KIAA0825: variants seen among roughly 807,000 people sequenced by gnomAD.
KIAA0825 encodes uncharacterized protein KIAA0825.
A neutral mutation model predicts 147.6 loss-of-function variants in KIAA0825; 119 were observed. The observed-to-expected ratio is 0.81, with a 90% CI of 0.69 to 0.94. KIAA0825 has a LOEUF of 0.94. KIAA0825 is among the 40% of genes least tolerant of loss of function. KIAA0825 has a pLI of 0.00. For missense variants in KIAA0825, 1,381 were observed against 1,472.7 expected (o/e 0.94, Z 1.02); for synonymous variants, 470 against 518.1 (o/e 0.91, Z 1.26).
chr5:94,606,779 G>A (rs1393778101), intron 1 of KIAA0825, among the ~76,000 whole-genome samples: 4 of 152,290 alleles, frequency 2.6e-5, no homozygotes, highest in African/African-American at 9.6e-5. Context: ...ATATTAAAGT[G>A]GGGGCTCGTG....
chr5:94,477,012 C>G (rs1273089100), intron 7 of KIAA0825, 99 bp downstream of exon 7: 1 of 850,120 alleles, frequency 1.2e-6, no homozygotes, highest in African/African-American at 1.7e-5. Flanking sequence ...TTTTTTGTAG[C>G]AAAGGGTAAA....
rs1322162646 is a variant in KIAA0825 at position 94,396,287 on chromosome 5, C to T, written c.3110G>A (p.Gly1037Asp). Residue 1037 changes from glycine (G) to aspartate (D), a missense_variant, in exon 17 of 21, where the codon GGT becomes GAT. Physicochemically the swap from Gly to Asp is moderately conservative, Grantham distance 94. Transcript: ENST00000682413. ...TTTACTCCATCTGTCAAGAGAGGCA[C>T]CTGTTAAAAGTTCCACAGTGTTTCC... ...EDGNTVELLT[G>D]ASLDRWSKEK... is the part of the protein sequence containing the mutation. The T allele has an allele frequency of 1.9e-6, 3 of 1,550,554 alleles. No homozygotes were observed. Among genetic ancestry groups the T allele is most frequent in the South Asian group, 1.2e-5 (1 of 83,790 alleles).
intron 20 of KIAA0825, among the ~76,000 whole-genome samples, chr5:94,261,679 T>C (rs1239425168): frequency 6.6e-6 from 1 of 152,146 alleles, no homozygotes; most frequent in Non-Finnish European, 1.5e-5. Flanking sequence ...CTCTCCATCT[T>C]AGTGAACCAA....
chr5:94,608,467 TATATATAATATATATATATATATA>T lies in KIAA0825; in HGVS notation c.-153+10009_-153+10032del, dbSNP rs1312296217. Among the ~76,000 whole-genome samples, 2 of 20,654 alleles carry T rather than the reference TATATATAATATATATATATATATA, an allele frequency of 9.7e-5. 1 individual carries two copies. The highest frequency in any genetic ancestry group is 3.2e-3 in the East Asian group (2 of 616). 13.5% of individuals were successfully genotyped at this position (20,654 alleles called of 152,430 possible). ...TGTGTGTGTGTATATATATATATTA[TATATATAATATATATATATATATA>T]ATTATATATATATATATTTTTTTTT... On this transcript the variant is annotated intron_variant, in intron 1 of 20. Transcript: ENST00000682413.
intron 1 of KIAA0825, among the ~76,000 whole-genome samples, chr5:94,608,094 A>G (rs1376863420): frequency 1.3e-5 from 2 of 151,948 alleles, no homozygotes; most frequent in Non-Finnish European, 2.9e-5. Context: ...ATGTAACATA[A>G]CATAGTCTCA....
chr5:94,603,674 G>T (rs908144056), intron 1 of KIAA0825, among the ~76,000 whole-genome samples: 14 of 152,166 alleles, frequency 9.2e-5, no homozygotes, highest in African/African-American at 3.4e-4. Flanking sequence ...CTGCCTGCAA[G>T]AAACCCATCT....
intron 14 of KIAA0825, among the ~76,000 whole-genome samples, chr5:94,417,597 A>G (rs896843187): frequency 5.9e-5 from 9 of 152,190 alleles, no homozygotes; most frequent in African/African-American, 2.2e-4. Context: ...CAACAACCAA[A>G]AAAACCTGTG....
At chr5:94,606,049 C>T (rs1326478367) in intron 1 of KIAA0825, among the ~76,000 whole-genome samples, 1 of 152,184 alleles carries the variant, frequency 6.6e-6, no homozygotes, top group Non-Finnish European at 1.5e-5. Flanking sequence ...AGCTGATAAA[C>T]AACTTCAGCA....
At position 94,244,336 on chromosome 5, in the gene KIAA0825, G is replaced by C. The variant is rs148184416; in HGVS notation, c.3711-90212C>G. ...ATTCAAGTTTTGGGTTTGAATCTTG[G>C]TTTTTTGTGGGGAGGGAACAGGGTC... is the stretch of plus-strand genomic sequence containing the variant. On this transcript the variant is annotated intron_variant, in intron 20 of 20. Coordinates refer to ENST00000682413, the MANE Select transcript of KIAA0825 (RefSeq NM_001145678.3). Among the ~76,000 whole-genome samples the C allele has an allele frequency of 2.0e-5, 3 of 152,106 alleles. No homozygotes were observed. The East Asian group carries it at 5.8e-4, about 29-fold the overall frequency.
At chr5:94,278,939 A>G (rs1053771672) in intron 20 of KIAA0825, among the ~76,000 whole-genome samples, 2 of 152,060 alleles carry the variant, frequency 1.3e-5, no homozygotes, top group African/African-American at 4.8e-5. Context: ...TAATATGGGA[A>G]TTGAATGGTC....
chr5:94,527,219 C>T (rs987878908), intron 3 of KIAA0825, among the ~76,000 whole-genome samples: 5 of 151,956 alleles, frequency 3.3e-5, no homozygotes, highest in Non-Finnish European at 5.9e-5. Context: ...CTGAGATGTC[C>T]TACTATTGGA....
At chr5:94,454,587 T>C (rs991160176) in intron 12 of KIAA0825, among the ~76,000 whole-genome samples, 1 of 152,216 alleles carries the variant, frequency 6.6e-6, no homozygotes, top group African/African-American at 2.4e-5. Context: ...TTCCACTATG[T>C]GAGCTAGAGA....
intron 5 of KIAA0825, among the ~76,000 whole-genome samples, chr5:94,513,957 G>A (rs911274953): frequency 9.2e-5 from 14 of 152,002 alleles, no homozygotes; most frequent in Non-Finnish European, 1.9e-4. Context: ...TAATTTTGCA[G>A]CTAACTTGAT....
chr5:94,424,754 C>T (rs139022124), intron 14 of KIAA0825, among the ~76,000 whole-genome samples: 1 of 151,564 alleles, frequency 6.6e-6, no homozygotes, highest in East Asian at 1.9e-4. Flanking sequence ...ACATAATAAA[C>T]CAAGAAAGAG....
At chr5:94,598,936 G>T (rs1785805906) in intron 1 of KIAA0825, among the ~76,000 whole-genome samples, 1 of 152,068 alleles carries the variant, frequency 6.6e-6, no homozygotes, top group African/African-American at 2.4e-5. Flanking sequence ...ATAAACATGG[G>T]GGTGAAGGTA....
chr5:94,473,917 T>C (rs1435952833), intron 7 of KIAA0825, among the ~76,000 whole-genome samples: 4 of 152,222 alleles, frequency 2.6e-5, no homozygotes, highest in African/African-American at 9.6e-5. Context: ...GTCTTTTTTA[T>C]AGTTTATTGT....
rs1297597637 is a variant in KIAA0825, at chr5:94,356,987, T to C, written c.3710+27381A>G. 2.0e-5 allele frequency among the ~76,000 whole-genome samples: 3 copies of C among 152,094 alleles called. No homozygotes were observed. The East Asian group carries it at 5.8e-4, about 30-fold the overall frequency. On this transcript the variant is annotated intron_variant, in intron 20 of 20. Transcript: ENST00000682413. ...ATCCACCAGCCTCGGCCTCCCAAAG[T>C]GCTGGGATTACAGGCGTGAGCCACT...
At chr5:94,527,917 G>T (rs905022405) in intron 3 of KIAA0825, among the ~76,000 whole-genome samples, 1 of 151,822 alleles carries the variant, frequency 6.6e-6, no homozygotes, top group Non-Finnish European at 1.5e-5. Context: ...GCCATGAAAT[G>T]AAAACTTATT....
chr5:94,371,797 C>T (rs1562428646), intron 20 of KIAA0825, among the ~76,000 whole-genome samples: 2 of 152,172 alleles, frequency 1.3e-5, no homozygotes, highest in Non-Finnish European at 2.9e-5. Context: ...ATCATGCCTT[C>T]CCAACAGTCC....
Sources: gnomAD v4.1 joint callset for allele counts (sites outside exome capture counted in the v4.1 genomes callset) on GRCh38, gnomAD v4.1.1 for gene constraint, MANE v1.5 for transcripts, NCBI Gene and HGNC (gene_info 2026-07-23, HGNC 2026-07-21) for gene names.